Variants in GPR149 observed in about 807,000 individuals in gnomAD.
The protein encoded by GPR149 is G protein-coupled receptor 149.
GPR149 carries 50 observed loss-of-function variants against 50.2 expected under a neutral mutation model. That is an observed-to-expected ratio of 1.00 (90% CI 0.79 to 1.26). The LOEUF (loss-of-function observed/expected upper bound fraction) is 1.26. Ranked by LOEUF, GPR149 falls within the 50% of genes most tolerant of loss-of-function variation. The pLI, the probability that GPR149 is intolerant of heterozygous loss-of-function variation, is 0.00. For missense variants in GPR149, 983 were observed against 895.4 expected (o/e 1.10, Z -1.25); for synonymous variants, 405 against 358.2 (o/e 1.13, Z -1.48).
chr3:154,394,780 A>G (rs1301593114), intron 3 of GPR149, among the ~76,000 whole-genome samples: 2 of 152,188 alleles, frequency 1.3e-5, no homozygotes, highest in African/African-American at 4.8e-5. Context: ...ATATTAGTCC[A>G]AAGAAGACAT....
intron 3 of GPR149, among the ~76,000 whole-genome samples, chr3:154,346,590 C>A (rs1559969716): frequency 1.3e-5 from 2 of 151,196 alleles, no homozygotes; most frequent in African/African-American, 4.9e-5. Context: ...TAAGGTTTTT[C>A]TTTTCTTTTC....
At position 154,410,721 on chromosome 3, in the gene GPR149, T is replaced by C. The variant is rs180904260; in HGVS notation, c.1623+10318A>G. Reference sequence around the variant, plus strand: ...TTACTACTAGACCTAAGAAATGAGATAGATGGCAGCACAATAATAGTGGGG... The same window carrying C: ...TTACTACTAGACCTAAGAAATGAGACAGATGGCAGCACAATAATAGTGGGG... On this transcript the variant is annotated intron_variant, in intron 3 of 3. Transcript: ENST00000389740. Among the ~76,000 whole-genome samples, 323 of 151,848 alleles carry C rather than the reference T, an allele frequency of 2.1e-3. 1 individual carries two copies. The highest frequency in any genetic ancestry group is 7.1e-3 in the African/African-American group (295 of 41,412).
chr3:154,391,523 GA>G (rs961557890), intron 3 of GPR149, among the ~76,000 whole-genome samples: 22 of 150,244 alleles, frequency 1.5e-4, no homozygotes, highest in African/African-American at 4.9e-4. Context: ...ATACAGCAAG[GA>G]AAAAAAGATG....
chr3:154,398,306 C>T (rs767489119), intron 3 of GPR149, among the ~76,000 whole-genome samples: 1 of 152,110 alleles, frequency 6.6e-6, no homozygotes, highest in Non-Finnish European at 1.5e-5. Context: ...TTAGGGAAAC[C>T]GCCTTTCCTC....
At chr3:154,428,397 T>C (rs1375873475) in intron 1 of GPR149, among the ~76,000 whole-genome samples, 1 of 152,104 alleles carries the variant, frequency 6.6e-6, no homozygotes, top group Non-Finnish European at 1.5e-5. Context: ...CGGAAAGCGA[T>C]CCCCATGCCC....
At chr3:154,370,625 G>A (rs2108400655) in intron 3 of GPR149, among the ~76,000 whole-genome samples, 3 of 152,214 alleles carry the variant, frequency 2.0e-5, no homozygotes, top group Middle Eastern at 6.8e-3. Context: ...GACTGAATGT[G>A]CCTGGGGCAA....
At chr3:154,351,314 A>AAAAAAT (rs1491248241) in intron 3 of GPR149, among the ~76,000 whole-genome samples, 1 of 7,936 alleles carries the variant, frequency 1.3e-4, no homozygotes. Flanking sequence ...ATCCACATAC[A>AAAAAAT]AAAAAAAAAA....
chr3:154,363,360 C>G (rs1037018359), intron 3 of GPR149, among the ~76,000 whole-genome samples: 2 of 151,910 alleles, frequency 1.3e-5, no homozygotes, highest in Middle Eastern at 3.4e-3. Context: ...AATAATTGGC[C>G]TCCTGGTTCT....
intron 3 of GPR149, among the ~76,000 whole-genome samples, chr3:154,382,921 C>T (rs1186442198): frequency 6.6e-6 from 1 of 152,004 alleles, no homozygotes; most frequent in Non-Finnish European, 1.5e-5. Context: ...TTTTTGATGA[C>T]TTGGTCTGTT....
At chr3:154,386,605 C>T (rs1356675210) in intron 3 of GPR149, among the ~76,000 whole-genome samples, 2 of 152,244 alleles carry the variant, frequency 1.3e-5, no homozygotes, top group East Asian at 3.8e-4. Context: ...CAACATGTGT[C>T]ATCCCCTCAG....
chr3:154,394,550 T>C (rs1370104983), intron 3 of GPR149, among the ~76,000 whole-genome samples: 1 of 151,880 alleles, frequency 6.6e-6, no homozygotes, highest in Non-Finnish European at 1.5e-5. Context: ...TGGAAATACA[T>C]GAAACTAAAA....
chr3:154,375,634 A>T (rs910650074), intron 3 of GPR149, among the ~76,000 whole-genome samples: 9 of 152,184 alleles, frequency 5.9e-5, no homozygotes, highest in African/African-American at 9.7e-5. Context: ...ACAGATATTC[A>T]TGTCCCTGAT....
chr3:154,385,411 A>G (rs1267542725), intron 3 of GPR149, among the ~76,000 whole-genome samples: 1 of 152,166 alleles, frequency 6.6e-6, no homozygotes, highest in African/African-American at 2.4e-5. Context: ...TGTTTTGTAA[A>G]ATTCCAATAA....
chr3:154,423,042 C>A (rs1433438363), intron 2 of GPR149, among the ~76,000 whole-genome samples: 1 of 151,794 alleles, frequency 6.6e-6, no homozygotes, highest in African/African-American at 2.4e-5. Context: ...ATTAGTTGCA[C>A]ATTGTAATCT....
intron 3 of GPR149, among the ~76,000 whole-genome samples, chr3:154,408,846 C>T (rs914193316): frequency 2.0e-5 from 3 of 152,220 alleles, no homozygotes; most frequent in African/African-American, 7.2e-5. Flanking sequence ...GTCCCTAGGG[C>T]AAGTTTACAT....
chr3:154,424,417 G>A (rs1712236366), intron 2 of GPR149, among the ~76,000 whole-genome samples: 1 of 151,820 alleles, frequency 6.6e-6, no homozygotes, highest in African/African-American at 2.4e-5. Context: ...AATGATGCTA[G>A]CTGAATAACA....
chr3:154,372,928 T>A (rs1714698231), intron 3 of GPR149, among the ~76,000 whole-genome samples: 1 of 152,102 alleles, frequency 6.6e-6, no homozygotes, highest in African/African-American at 2.4e-5. Flanking sequence ...GAGAAGATAA[T>A]AAATTCAGTG....
At chr3:154,408,123 A>T (rs1559987544) in intron 3 of GPR149, among the ~76,000 whole-genome samples, 2 of 152,194 alleles carry the variant, frequency 1.3e-5, no homozygotes, top group Admixed American at 1.3e-4. Flanking sequence ...GAAGGAGAAG[A>T]GATAGCTTTT....
Position 154,380,638 on chromosome 3 carries a change from TTG to T in GPR149, c.1623+40399_1623+40400del, listed in dbSNP as rs1491055573. On this transcript the variant is annotated intron_variant, in intron 3 of 3. Coordinates refer to ENST00000389740, the MANE Select transcript of GPR149 (RefSeq NM_001038705.3). The stretch of plus-strand genomic sequence containing the variant: ...ATTATTTCAAGGTCAAATTTTGTCC[TTG>T]AAATCAATTAAATTCAAACTGCCAA... Among the ~76,000 whole-genome samples the T allele has an allele frequency of 1.1e-4, 17 of 152,200 alleles. No individual in the cohort carries two copies. In the East Asian group the frequency reaches 2.9e-3, roughly 26 times the overall value.
Sources: gnomAD v4.1 joint callset for allele counts (sites outside exome capture counted in the v4.1 genomes callset) on GRCh38, gnomAD v4.1.1 for gene constraint, MANE v1.5 for transcripts, NCBI Gene and HGNC (gene_info 2026-07-23, HGNC 2026-07-21) for gene names.